MYO3A: variants seen among roughly 807,000 people sequenced by gnomAD.
The protein encoded by MYO3A is myosin-IIIa.
In MYO3A, 180 loss-of-function variants were observed where a neutral mutation model predicts 192.7. That is an observed-to-expected ratio of 0.93 (90% CI 0.83 to 1.06). The LOEUF is 1.06. Among genes scored for constraint, MYO3A ranks in the 50% least tolerant of loss-of-function variants. MYO3A has a pLI of 0.00. For missense variants in MYO3A, 1,896 were observed against 1,905.0 expected, an observed-to-expected ratio of 1.00 and a Z score of 0.09; for synonymous variants, 628 against 645.3, an observed-to-expected ratio of 0.97 and a Z score of 0.41.
intron 6 of MYO3A, among the ~76,000 whole-genome samples, chr10:26,009,386 T>C (rs182315821): frequency 1.0e-3 from 156 of 152,058 alleles, no homozygotes; most frequent in African/African-American, 3.5e-3. Context: ...AGTATAATAA[T>C]AATAAAATAA....
At chr10:26,158,953 C>T (rs1841315494) in intron 26 of MYO3A, among the ~76,000 whole-genome samples, 1 of 151,986 alleles carries the variant, frequency 6.6e-6, no homozygotes, top group African/African-American at 2.4e-5. Context: ...CATTCTTTTA[C>T]TTGGAGTAAC....
chr10:26,141,764 A>G (rs1840180047), intron 20 of MYO3A, among the ~76,000 whole-genome samples: 1 of 152,134 alleles, frequency 6.6e-6, no homozygotes, highest in South Asian at 2.1e-4. Context: ...ATTTTCTTAT[A>G]CTGGATAAGC....
chr10:26,061,349 TGA>T (rs1266621074), intron 10 of MYO3A, among the ~76,000 whole-genome samples: 3 of 152,228 alleles, frequency 2.0e-5, no homozygotes, highest in Non-Finnish European at 4.4e-5. Flanking sequence ...TCATTAAATA[TGA>T]GAACTTCTCC....
At chr10:25,962,781 G>T (rs1329534205) in intron 4 of MYO3A, among the ~76,000 whole-genome samples, 1 of 152,122 alleles carries the variant, frequency 6.6e-6, no homozygotes, top group Non-Finnish European at 1.5e-5. Flanking sequence ...CCGGGAGACC[G>T]TAAAACAGAA....
intron 32 of MYO3A, among the ~76,000 whole-genome samples, chr10:26,199,507 T>G (rs1269531849): frequency 2.6e-5 from 4 of 151,604 alleles, no homozygotes; most frequent in Admixed American, 1.3e-4. Context: ...GAGGCAGAAG[T>G]TGCAGTGAGC....
intron 17 of MYO3A, among the ~76,000 whole-genome samples, chr10:26,102,311 A>C (rs112875387): frequency 6.6e-6 from 1 of 151,926 alleles, no homozygotes; most frequent in Non-Finnish European, 1.5e-5. Context: ...ATCTTTTTTC[A>C]AGGTTTTTAG....
chr10:26,109,509 A>G (rs990868062), intron 17 of MYO3A, among the ~76,000 whole-genome samples: 3 of 152,134 alleles, frequency 2.0e-5, no homozygotes, highest in African/African-American at 7.2e-5. Context: ...CCAATTAGTA[A>G]CCCTGTTGGT....
intron 34 of MYO3A, among the ~76,000 whole-genome samples, chr10:26,203,733 T>G (rs1843782203): frequency 1.3e-5 from 2 of 152,072 alleles, no homozygotes. Flanking sequence ...AAAATGGGAG[T>G]AATGATGGAA....
chr10:26,137,287 T>C (rs1171115868), intron 20 of MYO3A, among the ~76,000 whole-genome samples: 1 of 152,208 alleles, frequency 6.6e-6, no homozygotes, highest in Non-Finnish European at 1.5e-5. Flanking sequence ...TAGTTCACTG[T>C]TGCGGGAAGT....
intron 18 of MYO3A, among the ~76,000 whole-genome samples, chr10:26,122,326 G>A (rs557789166): frequency 6.6e-6 from 1 of 152,190 alleles, no homozygotes; most frequent in Non-Finnish European, 1.5e-5. Flanking sequence ...ATACTTTCTG[G>A]AATAACCACT....
Position 26,210,175 on chromosome 10 carries a change from G to C in MYO3A, c.4731-1668G>C, listed in dbSNP as rs76097984. Reference sequence around the variant, plus strand: ...GAAAGGAAGGAAGGAAGGGAGGGAGGGAAGGAATTGTCTTTGTACTTAAAA... The same window carrying C: ...GAAAGGAAGGAAGGAAGGGAGGGAGCGAAGGAATTGTCTTTGTACTTAAAA... On this transcript the variant is annotated intron_variant, in intron 34 of 34. Transcript: ENST00000642920. 8.9e-3 allele frequency among the ~76,000 whole-genome samples: 1,345 copies of C among 151,454 alleles called. 10 individuals carry two copies. The highest frequency in any genetic ancestry group is 0.015 in the South Asian group (70 of 4,804).
chr10:26,173,634 T>C (rs1451995105), intron 29 of MYO3A, 29 bp from the exon 30 acceptor site: 1 of 1,595,274 alleles, frequency 6.3e-7, no homozygotes, highest in African/African-American at 1.3e-5. Flanking sequence ...TTTAGTACTG[T>C]ATATTCAAAG....
chr10:26,123,276 C>T (rs1478987056), intron 18 of MYO3A, among the ~76,000 whole-genome samples: 1 of 151,928 alleles, frequency 6.6e-6, no homozygotes, highest in East Asian at 1.9e-4. Flanking sequence ...AATAAAATTG[C>T]AGTACAAATG....
chr10:26,168,816 A>C lies in MYO3A; in HGVS notation c.3216A>C (p.Ser1072=). The change falls in exon 28 of 35, where the codon TCA becomes TCC. Residue 1072 remains serine (S), a synonymous_variant. Coordinates refer to ENST00000642920, the MANE Select transcript of MYO3A (RefSeq NM_017433.5). ...IQACVRAFLC[S]RRYQKIQEKR... ...CTTGTGTCAGAGCATTCTTGTGTTCAAGAAGATACCAAAAAATACAGGAGA... is the reference window on the plus strand; with the variant it reads ...CTTGTGTCAGAGCATTCTTGTGTTCCAGAAGATACCAAAAAATACAGGAGA... 1 of 1,613,162 alleles carries C rather than the reference A, an allele frequency of 6.2e-7. No individual in the cohort carries two copies. The highest frequency in any genetic ancestry group is 1.1e-5 in the South Asian group (1 of 91,058).
chr10:25,977,631 CTT>C (rs940732291), intron 4 of MYO3A, among the ~76,000 whole-genome samples: 17 of 151,940 alleles, frequency 1.1e-4, no homozygotes, highest in African/African-American at 4.1e-4. Flanking sequence ...CTCAGTGTAA[CTT>C]AAATAAAATG....
intron 17 of MYO3A, among the ~76,000 whole-genome samples, chr10:26,103,808 G>T (rs756222124): frequency 1.6e-4 from 25 of 152,120 alleles, no homozygotes; most frequent in Non-Finnish European, 3.2e-4. Context: ...ATTCCCACCA[G>T]CACTGTCTGA....
rs549257919 is a variant in MYO3A, at chr10:26,107,221, C to T, written c.1776+10539C>T. On this transcript the variant is annotated intron_variant, in intron 17 of 34. Coordinates refer to ENST00000642920, the MANE Select transcript of MYO3A (RefSeq NM_017433.5). Reference sequence around the variant, plus strand: ...TAGAGGCTGGGCGCAGTGGCTCACGCCTGTAATCCCAGCACTTTGGGAGGC... The same window carrying T: ...TAGAGGCTGGGCGCAGTGGCTCACGTCTGTAATCCCAGCACTTTGGGAGGC... Among the ~76,000 whole-genome samples the T allele has an allele frequency of 1.4e-3, 220 of 152,248 alleles. 1 individual carries two copies. Among genetic ancestry groups the T allele is most frequent in the Admixed American group, 3.3e-3 (51 of 15,298 alleles).
At position 26,147,559 on chromosome 10, in the gene MYO3A, G is replaced by C. The variant is rs1349486676; in HGVS notation, c.2635G>C (p.Gly879Arg). The C allele has an allele frequency of 1.9e-6, 3 of 1,613,876 alleles. No individual in the cohort carries two copies. Among genetic ancestry groups the C allele is most frequent in the Non-Finnish European group, 2.5e-6 (3 of 1,179,916 alleles). Residue 879 changes from glycine (G) to arginine (R), a missense_variant and splice_region_variant, in exon 23 of 35, where the codon GGT becomes CGT. Transcript: ENST00000642920. Reference sequence around the variant, plus strand: ...AGTCAACCACCCTCTGACCAAAACAGGTAAGACAATTTTCCTTACCTGGAA... The same window carrying C: ...AGTCAACCACCCTCTGACCAAAACACGTAAGACAATTTTCCTTACCTGGAA... ...QLVNHPLTKT[G>R]NLPHSKTKNV...
chr10:26,010,486 T>A (rs1841577036), intron 6 of MYO3A, among the ~76,000 whole-genome samples: 1 of 150,268 alleles, frequency 6.7e-6, no homozygotes, highest in Admixed American at 6.7e-5. Flanking sequence ...TGTTTTTTTA[T>A]GGAGTCTTGC....
Sources: gnomAD v4.1 joint callset for allele counts (sites outside exome capture counted in the v4.1 genomes callset) on GRCh38, gnomAD v4.1.1 for gene constraint, MANE v1.5 for transcripts, NCBI Gene and HGNC (gene_info 2026-07-23, HGNC 2026-07-21) for gene names.